Variants in RIMS2 observed in about 807,000 individuals in gnomAD.
RIMS2 encodes the protein regulating synaptic membrane exocytosis 2, also known as regulating synaptic membrane exocytosis protein 2.
RIMS2 carries 59 observed loss-of-function variants against 174.4 expected under a neutral mutation model. The observed-to-expected ratio is 0.34, with a 90% CI of 0.27 to 0.42. The LOEUF (loss-of-function observed/expected upper bound fraction) is 0.42. RIMS2 is among the 10% of genes least tolerant of loss of function. RIMS2 has a pLI of 1.00. For missense variants in RIMS2, 1,620 were observed against 1,666.3 expected, an observed-to-expected ratio of 0.97 and a Z score of 0.48; for synonymous variants, 606 against 572.5, an observed-to-expected ratio of 1.06 and a Z score of -0.84.
At chr8:103,558,304 C>G (rs538146343) in intron 1 of RIMS2, among the ~76,000 whole-genome samples, 1 of 152,252 alleles carries the variant, frequency 6.6e-6, no homozygotes, top group Admixed American at 6.5e-5. Flanking sequence ...TCACTGCAAC[C>G]TCTGTCTCCT....
chr8:103,506,456 C>T (rs1416657938), intron 1 of RIMS2, among the ~76,000 whole-genome samples: 2 of 151,896 alleles, frequency 1.3e-5, no homozygotes, highest in African/African-American at 2.4e-5. Context: ...CTCTGAGTTT[C>T]CTCATCTATA....
intron 1 of RIMS2, among the ~76,000 whole-genome samples, chr8:103,624,032 A>G (rs1295982811): frequency 6.6e-6 from 1 of 152,078 alleles, no homozygotes; most frequent in Admixed American, 6.5e-5. Flanking sequence ...ACTTCTAAGG[A>G]CCTCTCTAGT....
chr8:103,745,926 C>T (rs74966176), intron 2 of RIMS2, among the ~76,000 whole-genome samples: 402 of 152,138 alleles, frequency 2.6e-3, no homozygotes, highest in African/African-American at 9.3e-3. Context: ...TTGAAAATGT[C>T]CTTTGATACT....
chr8:103,572,913 C>T (rs890050589), intron 1 of RIMS2, among the ~76,000 whole-genome samples: 1 of 151,948 alleles, frequency 6.6e-6, no homozygotes, highest in Non-Finnish European at 1.5e-5. Flanking sequence ...TAATTAGGTC[C>T]CAGTTGTCAA....
chr8:104,036,136 T>A (rs1185816759), intron 19 of RIMS2, among the ~76,000 whole-genome samples: 2 of 42,452 alleles, frequency 4.7e-5, no homozygotes, highest in Admixed American at 1.5e-4. Context: ...TATTTTATTT[T>A]ATTTATTTAT....
chr8:103,724,019 C>G (rs1239113949), intron 2 of RIMS2, among the ~76,000 whole-genome samples: 2 of 152,174 alleles, frequency 1.3e-5, no homozygotes, highest in South Asian at 4.1e-4. Flanking sequence ...CTGGGGTACC[C>G]ACTGAAGTCA....
At chr8:103,891,810 G>C (rs1283918719) in intron 4 of RIMS2, among the ~76,000 whole-genome samples, 3 of 152,058 alleles carry the variant, frequency 2.0e-5, no homozygotes, top group African/African-American at 7.2e-5. Context: ...AATGGAAATG[G>C]TGGTGGATTA....
intron 19 of RIMS2, among the ~76,000 whole-genome samples, chr8:104,086,764 A>G (rs1233938032): frequency 2.0e-5 from 3 of 152,128 alleles, no homozygotes; most frequent in African/African-American, 7.2e-5. Context: ...TTCTAGATCT[A>G]TAGAATGGAG....
chr8:103,570,547 G>T (rs2092729970), intron 1 of RIMS2, among the ~76,000 whole-genome samples: 1 of 152,116 alleles, frequency 6.6e-6, no homozygotes, highest in Non-Finnish European at 1.5e-5. Flanking sequence ...GTTTAGGGGT[G>T]GAAAAGGTCG....
intron 19 of RIMS2, among the ~76,000 whole-genome samples, chr8:104,174,962 A>G (rs995853970): frequency 6.6e-6 from 1 of 152,202 alleles, no homozygotes; most frequent in Non-Finnish European, 1.5e-5. Context: ...TACTCTCTAC[A>G]AGTATTTGAA....
rs1597139427 is a variant in RIMS2 at position 104,014,388 on chromosome 8, A to C, written c.3225-118A>C. 1.3e-5 allele frequency: 7 copies of C among 545,416 alleles called. No homozygotes were observed. The South Asian group carries it at 2.3e-4, about 18-fold the overall frequency. The allele number at this position is 545,416 out of a possible 1,614,324, so 33.8% of individuals were successfully genotyped here. A position where few individuals can be genotyped will look rare whatever the true frequency, so the allele number is the denominator to read the frequency against. On this transcript the variant is annotated intron_variant, in intron 18 of 23. Coordinates refer to ENST00000504942, the Ensembl canonical transcript of RIMS2. ...TTTGTCCAGTTTTCCTAACCTTTTA[A>C]TCTGCAGCTAAACTTCTTTTTAAAT...
chr8:103,722,837 C>T (rs1371771624), intron 2 of RIMS2, among the ~76,000 whole-genome samples: 1 of 152,132 alleles, frequency 6.6e-6, no homozygotes, highest in Non-Finnish European at 1.5e-5. Context: ...CCTTATGGAC[C>T]AGGTCTTTTT....
At chr8:103,504,544 T>A (rs1159505512) in intron 1 of RIMS2, among the ~76,000 whole-genome samples, 1 of 152,156 alleles carries the variant, frequency 6.6e-6, no homozygotes, top group African/African-American at 2.4e-5. Flanking sequence ...TATGTACATA[T>A]CATAGCCTTT....
At position 103,967,851 on chromosome 8, in the gene RIMS2, C is replaced by CTTT. The variant is rs1183741701; in HGVS notation, c.2770+6736_2770+6738dup. Among the ~76,000 whole-genome samples, 603 of 109,528 alleles carry CTTT rather than the reference C, an allele frequency of 5.5e-3. 25 individuals are homozygous for CTTT. The highest frequency in any genetic ancestry group is 0.023 in the East Asian group (91 of 4,032). The allele number at this position is 109,528 out of a possible 152,430, so 71.9% of individuals were successfully genotyped here. A position where few individuals can be genotyped will look rare whatever the true frequency, so the allele number is the denominator to read the frequency against. On this transcript the variant is annotated intron_variant, in intron 15 of 23. Transcript: ENST00000504942. ...TCTAAAATTAGTGTACCTACTCCTG[C>CTTT]TTTTTTTTTTTTTTTTTTTTGAGAC... is the stretch of plus-strand genomic sequence containing the variant.
chr8:103,957,785 A>G (rs1182620416), intron 14 of RIMS2, among the ~76,000 whole-genome samples: 1 of 152,210 alleles, frequency 6.6e-6, no homozygotes, highest in Non-Finnish European at 1.5e-5. Flanking sequence ...GCATGCGGCC[A>G]ACAAGCATAT....
intron 15 of RIMS2, among the ~76,000 whole-genome samples, chr8:103,969,931 G>A (rs937533050): frequency 2.6e-5 from 4 of 152,008 alleles, no homozygotes; most frequent in Non-Finnish European, 5.9e-5. Context: ...GTATTTTTTA[G>A]TAGAGACAGG....
intron 2 of RIMS2, among the ~76,000 whole-genome samples, chr8:103,748,211 A>T (rs1450763525): frequency 3.3e-5 from 5 of 151,972 alleles, no homozygotes; most frequent in Admixed American, 3.3e-4. Flanking sequence ...GGAGGCTGAG[A>T]CAGGCAGATT....
chr8:103,698,845 A>T (rs1413816145), intron 2 of RIMS2, among the ~76,000 whole-genome samples: 2 of 151,990 alleles, frequency 1.3e-5, no homozygotes, highest in Non-Finnish European at 2.9e-5. Flanking sequence ...CTTCCTTGTA[A>T]TGTTTTTCTT....
intron 1 of RIMS2, among the ~76,000 whole-genome samples, chr8:103,661,167 A>G (rs2096595416): frequency 6.6e-6 from 1 of 152,242 alleles, no homozygotes; most frequent in Non-Finnish European, 1.5e-5. Flanking sequence ...GCTCAATATA[A>G]TGTCTGTGAG....
Sources: allele counts gnomAD v4.1 joint callset (sites outside exome capture counted in the v4.1 genomes callset), GRCh38; gene constraint gnomAD v4.1.1; transcripts MANE v1.5; gene names NCBI Gene and HGNC (gene_info 2026-07-23, HGNC 2026-07-21).